The following TOP6BL variants were observed in gnomAD, a reference collection of about 807,000 sequenced individuals.
TOP6BL encodes TOP6B like initiator of meiotic double strand breaks.
At chr11:66,804,582 C>T in the TOP6BL span, among the ~76,000 whole-genome samples, 3 of 152,072 alleles carry the variant, frequency 2.0e-5, no homozygotes, top group Non-Finnish European at 2.9e-5. Flanking sequence ...TTATAGAGTA[C>T]GGATGGGAGA....
the TOP6BL span, among the ~76,000 whole-genome samples, chr11:66,799,871 G>T: frequency 5.9e-4 from 89 of 151,936 alleles, no homozygotes; most frequent in African/African-American, 1.9e-3. Flanking sequence ...CTTGACCTTG[G>T]GAGTTCAAGA....
chr11:66,755,642 C>T, the TOP6BL span, among the ~76,000 whole-genome samples: 1 of 152,122 alleles, frequency 6.6e-6, no homozygotes, highest in Non-Finnish European at 1.5e-5. Flanking sequence ...TAACAAAGTA[C>T]CACAAACTGG....
chr11:66,790,325 A>T, the TOP6BL span, among the ~76,000 whole-genome samples: 11 of 152,118 alleles, frequency 7.2e-5, no homozygotes, highest in Non-Finnish European at 1.3e-4. Flanking sequence ...AAATAGAAAG[A>T]TCAAGAAGTA....
chr11:66,762,620 A>T, the TOP6BL span, among the ~76,000 whole-genome samples: 1 of 152,016 alleles, frequency 6.6e-6, no homozygotes. Context: ...ACAGGTGCGC[A>T]CCACCACGCC....
the TOP6BL span, chr11:66,828,294 A>C: frequency 6.2e-7 from 1 of 1,613,706 alleles, no homozygotes; most frequent in Non-Finnish European, 8.5e-7. Context: ...TTCAGGACCA[A>C]ACTGCACAAA....
the TOP6BL span, among the ~76,000 whole-genome samples, chr11:66,755,977 A>G: frequency 2.6e-5 from 4 of 152,332 alleles, no homozygotes; most frequent in South Asian, 8.3e-4. Flanking sequence ...ATAAGGTCAT[A>G]TACACTGGGG....
the TOP6BL span, among the ~76,000 whole-genome samples, chr11:66,814,962 G>C: frequency 2.0e-5 from 3 of 152,146 alleles, no homozygotes; most frequent in African/African-American, 7.2e-5. Context: ...TGATATCTAG[G>C]AGGGGTTGCA....
At chr11:66,826,387 T>G in the TOP6BL span, among the ~76,000 whole-genome samples, 1 of 152,350 alleles carries the variant, frequency 6.6e-6, no homozygotes, top group African/African-American at 2.4e-5. Context: ...CTGTTAGACA[T>G]TTGTTTACAT....
the TOP6BL span, among the ~76,000 whole-genome samples, chr11:66,786,433 A>G: frequency 6.6e-6 from 1 of 152,222 alleles, no homozygotes; most frequent in African/African-American, 2.4e-5. Flanking sequence ...TCATCTTGAA[A>G]TCAAAGGCTT....
chr11:66,825,206 G>A, the TOP6BL span, among the ~76,000 whole-genome samples: 1 of 151,234 alleles, frequency 6.6e-6, no homozygotes, highest in East Asian at 2.0e-4. Context: ...CGGGCGTGGT[G>A]GCTCATGCCT....
the TOP6BL span, among the ~76,000 whole-genome samples, chr11:66,776,152 G>A: frequency 2.6e-5 from 4 of 151,470 alleles, no homozygotes; most frequent in Non-Finnish European, 5.9e-5. Flanking sequence ...TCCACCTCCC[G>A]GGTTCAAGTG....
At chr11:66,800,831 C>T in the TOP6BL span, 2 of 931,542 alleles carry the variant, frequency 2.1e-6, no homozygotes, top group South Asian at 1.7e-5. Flanking sequence ...TTTCTGACAC[C>T]CCCACATTTT....
the TOP6BL span, chr11:66,801,118 C>T: frequency 6.2e-7 from 1 of 1,607,614 alleles, no homozygotes; most frequent in Non-Finnish European, 8.5e-7. Flanking sequence ...GGCGTAAAGC[C>T]TTGTTGTCCC....
the TOP6BL span, among the ~76,000 whole-genome samples, chr11:66,751,731 A>C: frequency 6.6e-6 from 1 of 151,960 alleles, no homozygotes. Flanking sequence ...CACCTCTACC[A>C]TGTGTCTTTC....
the TOP6BL span, among the ~76,000 whole-genome samples, chr11:66,778,731 C>T: frequency 1.3e-5 from 2 of 152,134 alleles, no homozygotes; most frequent in East Asian, 3.8e-4. Context: ...AAGAACAAAG[C>T]TGGAGGCATC....
At chr11:66,762,183 C>T in the TOP6BL span, 1 of 724,690 alleles carries the variant, frequency 1.4e-6, no homozygotes, top group Non-Finnish European at 2.5e-6. Context: ...GCTTTGTCTC[C>T]TTCGCACGCC....
chr11:66,842,871 C>CA, the TOP6BL span: 1 of 1,572,088 alleles, frequency 6.4e-7, no homozygotes, highest in Non-Finnish European at 8.6e-7. Context: ...AAGCAGAAAA[C>CA]AAGAGGCTCA....
At chr11:66,753,811 T>C in the TOP6BL span, among the ~76,000 whole-genome samples, 4 of 152,074 alleles carry the variant, frequency 2.6e-5, no homozygotes, top group Non-Finnish European at 5.9e-5. Flanking sequence ...TTCAAGTGAT[T>C]CTCCTGCCTC....
the TOP6BL span, among the ~76,000 whole-genome samples, chr11:66,746,965 G>C: frequency 6.6e-6 from 1 of 151,232 alleles, no homozygotes; most frequent in Non-Finnish European, 1.5e-5. Flanking sequence ...TTGAAACGGA[G>C]TGTTGCTGTT....
Sources: gnomAD v4.1 joint callset for allele counts (sites outside exome capture counted in the v4.1 genomes callset) on GRCh38, gnomAD v4.1.1 for gene constraint, MANE v1.5 for transcripts, NCBI Gene and HGNC (gene_info 2026-07-23, HGNC 2026-07-21) for gene names.